CEP250: variants seen among roughly 807,000 people sequenced by gnomAD.
CEP250 encodes the protein centrosome-associated protein CEP250.
In CEP250, 242 loss-of-function variants were observed where a neutral mutation model predicts 315.7. That is an observed-to-expected ratio of 0.77 (90% CI 0.69 to 0.85). The LOEUF (loss-of-function observed/expected upper bound fraction) is 0.85, where lower values mean the gene tolerates loss of function less well. Among genes scored for constraint, CEP250 ranks in the 40% least tolerant of loss-of-function variants. The pLI, the probability that CEP250 is intolerant of heterozygous loss-of-function variation, is 0.00. For missense variants in CEP250, 2,515 were observed against 2,886.4 expected, an observed-to-expected ratio of 0.87 and a Z score of 2.95; for synonymous variants, 1,088 against 1,175.0, an observed-to-expected ratio of 0.93 and a Z score of 1.51.
At chr20:35,498,782 G>A (rs990664840) in intron 27 of CEP250, 66 bp downstream of exon 27, 5 of 1,484,800 alleles carry the variant, frequency 3.4e-6, no homozygotes, top group African/African-American at 1.4e-5. Context: ...GCAAAGGGGT[G>A]TGAAGCAGTT....
rs2063100886 is a variant in CEP250 at position 35,474,009 on chromosome 20, C to G, written c.1528C>G (p.Gln510Glu). Residue 510 changes from glutamine (Q) to glutamate (E), a missense_variant, in exon 14 of 35, where the codon CAG (glutamine) becomes GAG (glutamate). Transcript: ENST00000397527. ...CTCTGCCCAGGGCCAGAAGGAGGAA[C>G]AGCAGGAGGAGCTGCACCTGGCTGT... ...GDSAQGQKEEQQEELHLAVRE... is the reference protein window; with the variant it reads ...GDSAQGQKEEEQEELHLAVRE... The G allele has an allele frequency of 3.8e-6, 6 of 1,599,530 alleles. No individual in the cohort carries two copies. In the South Asian group the frequency reaches 6.7e-5, roughly 18 times the overall value.
Position 35,469,925 on chromosome 20 carries a change from A to T in CEP250, c.887A>T (p.Gln296Leu), listed in dbSNP as rs1463086727. Reference protein sequence around the residue: ...TELSALLTQSQKQNEDYEKMI... With the variant: ...TELSALLTQSLKQNEDYEKMI... ...CTCTCTGCTCTGTTGACCCAGTCTC[A>T]GAAGCAAAATGAAGATTATGAAAAG... Residue 296 changes from glutamine (Q) to leucine (L), a missense_variant, in exon 10 of 35, where the codon CAG becomes CTG. By Grantham distance (113) the Gln-to-Leu change is moderately radical (BLOSUM62 -2). Transcript: ENST00000397527. 6.2e-7 allele frequency: 1 copy of T among 1,613,888 alleles called. No homozygotes were observed. Among genetic ancestry groups the T allele is most frequent in the Admixed American group, 1.7e-5 (1 of 60,000 alleles).
rs755215821 is a variant in CEP250, at chr20:35,503,994, G to A, written c.5625G>A (p.Leu1875=). The A allele has an allele frequency of 3.7e-6, 6 of 1,609,876 alleles. No homozygotes were observed. In the Admixed American group the frequency reaches 1.0e-4, roughly 27 times the overall value. The change falls in exon 30 of 35, where the codon CTG becomes CTA. Residue 1875 remains leucine (L), a synonymous_variant. Transcript: ENST00000397527. The surrounding 1 kb of genome is among the most constrained non-coding windows in gnomAD (Gnocchi z 4.2). Reference sequence around the variant, plus strand: ...AGGCACGAAGGCTGGAGGAAGAGCTGGCAGTGGAGGGACGGCGGGTCCAGG... The same window carrying A: ...AGGCACGAAGGCTGGAGGAAGAGCTAGCAGTGGAGGGACGGCGGGTCCAGG... ...KEQARRLEEE[L]AVEGRRVQAL... is the part of the protein sequence containing the mutation.
chr20:35,464,700 G>C (rs1055708507), intron 5 of CEP250, among the ~76,000 whole-genome samples: 1 of 151,478 alleles, frequency 6.6e-6, no homozygotes, highest in South Asian at 2.1e-4. Flanking sequence ...TGGTGGGTGG[G>C]TCACAAGGTC....
chr20:35,507,686 C>G, intron 30 of CEP250, 52 bp from the exon 31 acceptor site: 1 of 1,426,666 alleles, frequency 7.0e-7, no homozygotes, highest in Non-Finnish European at 9.7e-7. Flanking sequence ...ATGGGTTGGT[C>G]TGGATATGAG....
intron 9 of CEP250, among the ~76,000 whole-genome samples, chr20:35,467,793 C>G (rs1243553863): frequency 6.6e-6 from 1 of 152,086 alleles, no homozygotes; most frequent in Non-Finnish European, 1.5e-5. Context: ...AGCTATGACT[C>G]CATCCTCCAT....
chr20:35,479,207 C>T (rs1457621487), intron 17 of CEP250, 24 bp from the exon 18 acceptor site: 2 of 1,608,210 alleles, frequency 1.2e-6, no homozygotes, highest in Non-Finnish European at 1.7e-6. Context: ...TCTGCTCCAT[C>T]TCTCACCACA....
chr20:35,497,594 C>A, intron 25 of CEP250, 125 bp from the exon 26 acceptor site: 1 of 690,062 alleles, frequency 1.4e-6, no homozygotes, highest in Non-Finnish European at 2.5e-6. Context: ...TGCCTGAGAG[C>A]TGAGCTGAAA....
intron 14 of CEP250, chr20:35,474,677 C>T (rs561700602): frequency 4.7e-5 from 20 of 424,364 alleles, no homozygotes; most frequent in African/African-American, 3.7e-4. Context: ...TGTAAATTCC[C>T]CTATATGATG....
chr20:35,481,718 A>G (rs886836857), intron 20 of CEP250, among the ~76,000 whole-genome samples: 3 of 128,284 alleles, frequency 2.3e-5, no homozygotes, highest in African/African-American at 9.0e-5. Flanking sequence ...TTATTCTTTT[A>G]TTGAGGCAGG....
At chr20:35,462,173 A>C (rs1191861095) in intron 3 of CEP250, 92 bp from the exon 4 acceptor site, 5 of 478,464 alleles carry the variant, frequency 1.0e-5, no homozygotes, top group African/African-American at 1.9e-5. Context: ...TTCAGAGATG[A>C]GGGTCCCTTT....
At chr20:35,484,325 G>A (rs539469447) in intron 20 of CEP250, among the ~76,000 whole-genome samples, 104 of 152,174 alleles carry the variant, frequency 6.8e-4, no homozygotes, top group Non-Finnish European at 1.1e-3. Context: ...AGCATCCCAG[G>A]ACCACCTTAA....
chr20:35,511,781 A>G lies in CEP250; in HGVS notation c.*155A>G. On this transcript the variant is annotated 3_prime_UTR_variant, in exon 35 of 35. Transcript: ENST00000397527. ...CCCAGGAAGAGGAAGTAAATCTGCA[A>G]CCCTGGGGAGGACCCCAACTCACCT... 1 of 1,419,870 alleles carries G rather than the reference A, an allele frequency of 7.0e-7. No individual in the cohort carries two copies. The highest frequency in any genetic ancestry group is 9.2e-7 in the Non-Finnish European group (1 of 1,090,672). 88.0% of individuals were successfully genotyped at this position (1,419,870 alleles called of 1,614,324 possible).
intron 32 of CEP250, among the ~76,000 whole-genome samples, chr20:35,508,520 G>A (rs1440943024): frequency 2.0e-5 from 3 of 152,112 alleles, no homozygotes; most frequent in Non-Finnish European, 4.4e-5. Context: ...TCACTATGTT[G>A]GCCAGGCTGG....
Position 35,503,428 on chromosome 20 carries a change from C to T in CEP250, c.5059C>T (p.Gln1687Ter). 1 of 1,614,110 alleles carries T rather than the reference C, an allele frequency of 6.2e-7. No homozygotes were observed. ...CAAGATCCTGGAGGAGGACCTGGAA[C>T]AGATCAAGCTGTCCTTGAGAGAGCG... ...QTKILEEDLE[Q>*]IKLSLRERGR... Residue 1687 changes from glutamine to a stop codon, truncating the protein, a stop_gained, in exon 30 of 35, where the codon CAG becomes TAG. Coordinates refer to ENST00000397527, the MANE Select transcript of CEP250 (RefSeq NM_007186.6). LOFTEE classifies it high-confidence loss of function. This position sits in a 1 kb window ranked among gnomAD's most constrained non-coding sequence, Gnocchi z 4.2.
At position 35,473,554 on chromosome 20, in the gene CEP250, T is replaced by G. The variant is rs1297290000; in HGVS notation, c.1388+2T>G. ...GGGAGAGGTGGACTCTCTCAGCAAG[T>G]GAGCAGACGGGCTGTTCATCCCACC... On this transcript the variant is annotated splice_donor_variant, in intron 13 of 34. Coordinates refer to ENST00000397527, the MANE Select transcript of CEP250 (RefSeq NM_007186.6). LOFTEE classifies it high-confidence loss of function. 1.2e-6 allele frequency: 2 copies of G among 1,607,700 alleles called. No individual in the cohort carries two copies. The highest frequency in any genetic ancestry group is 1.7e-5 in the Admixed American group (1 of 59,482).
rs142451996 is a variant in CEP250 at position 35,504,058 on chromosome 20, C to T, written c.5689C>T (p.Arg1897Trp). The change falls in exon 30 of 35, where the codon CGG becomes TGG. Residue 1897 changes from arginine (R) to tryptophan (W), a missense_variant. Transcript: ENST00000397527. ...GCTGGGAGACCTAAGGGCTGAGTCTCGGGAACAGGAGAAAGCTCTGTTGGC... is the reference window on the plus strand; with the variant it reads ...GCTGGGAGACCTAAGGGCTGAGTCTTGGGAACAGGAGAAAGCTCTGTTGGC... ...EVLGDLRAES[R>W]EQEKALLALQ... 17 of 1,606,076 alleles carry T rather than the reference C, an allele frequency of 1.1e-5. No individual in the cohort carries two copies. Among genetic ancestry groups the T allele is most frequent in the Admixed American group, 1.7e-5 (1 of 59,154 alleles).
chr20:35,490,469 A>G lies in CEP250; in HGVS notation c.2587-168A>G, dbSNP rs183507200. On this transcript the variant is annotated intron_variant, in intron 20 of 34. Coordinates refer to ENST00000397527, the MANE Select transcript of CEP250 (RefSeq NM_007186.6). ...GTTGTCATGAAATTTGGTAAGATAGATAAGGCAGGGAATATTAGCCTTGCT... is the reference window on the plus strand; with the variant it reads ...GTTGTCATGAAATTTGGTAAGATAGGTAAGGCAGGGAATATTAGCCTTGCT... 2.2e-4 allele frequency among the ~76,000 whole-genome samples: 34 copies of G among 152,312 alleles called. No homozygotes were observed. In the East Asian group the frequency reaches 6.4e-3, roughly 28 times the overall value.
At position 35,460,120 on chromosome 20, in the gene CEP250, C is replaced by G. The variant is rs147829896; in HGVS notation, c.-104+15C>G. On this transcript the variant is annotated intron_variant, in intron 3 of 34. Coordinates refer to ENST00000397527, the MANE Select transcript of CEP250 (RefSeq NM_007186.6). ...ATAGCACCATGGTGAGTTGGTCACACAGCCTTGGCAAAAAGGCTGAAAAGG... is the reference window on the plus strand; with the variant it reads ...ATAGCACCATGGTGAGTTGGTCACAGAGCCTTGGCAAAAAGGCTGAAAAGG... The G allele has an allele frequency of 6.6e-6, 1 of 152,294 alleles. No individual in the cohort carries two copies. Among genetic ancestry groups the G allele is most frequent in the East Asian group, 1.9e-4 (1 of 5,190 alleles). 9.4% of individuals were successfully genotyped at this position (152,294 alleles called of 1,614,324 possible).
Sources: gnomAD v4.1 joint callset for allele counts (sites outside exome capture counted in the v4.1 genomes callset) on GRCh38, gnomAD v4.1.1 for gene constraint, Gnocchi (gnomAD v3.1) non-coding constraint, MANE v1.5 for transcripts, NCBI Gene and HGNC (gene_info 2026-07-23, HGNC 2026-07-21) for gene names.